DHRS7B: variants seen among roughly 807,000 people sequenced by gnomAD.
The protein encoded by DHRS7B is dehydrogenase/reductase 7B.
DHRS7B carries 24 observed loss-of-function variants against 26.4 expected under a neutral mutation model. The ratio of observed to expected loss-of-function variants is 0.91; its 90% CI spans 0.66 to 1.28. The LOEUF is 1.28. Among genes scored for constraint, DHRS7B ranks in the 50% most tolerant of loss-of-function variants. The pLI, the probability that DHRS7B is intolerant of heterozygous loss-of-function variation, is 0.00. For missense variants in DHRS7B, 368 were observed against 419.4 expected, an observed-to-expected ratio of 0.88 and a Z score of 1.07; for synonymous variants, 142 against 166.4, an observed-to-expected ratio of 0.85 and a Z score of 1.13.
intron 1 of DHRS7B, chr17:21,166,235 C>T (rs565194498): frequency 1.0e-6 from 1 of 985,482 alleles, no homozygotes; most frequent in East Asian, 1.1e-4. Context: ...GGAGCCTGGT[C>T]TGAAATCTCC....
At chr17:21,154,839 A>G (rs1746876050) in intron 1 of DHRS7B, among the ~76,000 whole-genome samples, 1 of 152,206 alleles carries the variant, frequency 6.6e-6, no homozygotes, top group African/African-American at 2.4e-5. Flanking sequence ...GGGAAGAATC[A>G]GGAGTATTTT....
chr17:21,129,725 GAAAAAGA>G (rs1973189377), intron 1 of DHRS7B, among the ~76,000 whole-genome samples: 2 of 109,000 alleles, frequency 1.8e-5, no homozygotes, highest in Non-Finnish European at 4.0e-5. Flanking sequence ...AAAAAAAAAA[GAAAAAGA>G]AAAAAATAAG....
intron 6 of DHRS7B, 133 bp downstream of exon 6, chr17:21,188,996 G>T: frequency 8.1e-7 from 1 of 1,229,914 alleles, no homozygotes; most frequent in South Asian, 1.4e-5. Flanking sequence ...AAACTTGACA[G>T]AGGTGTTGGT....
chr17:21,156,651 G>A (rs1597741431), intron 1 of DHRS7B, among the ~76,000 whole-genome samples: 1 of 151,990 alleles, frequency 6.6e-6, no homozygotes, highest in South Asian at 2.1e-4. Context: ...GGTGGCTCAT[G>A]CCTGTAATCC....
intron 1 of DHRS7B, 116 bp downstream of exon 1, chr17:21,127,107 G>A: frequency 8.7e-7 from 1 of 1,154,242 alleles, no homozygotes; most frequent in Non-Finnish European, 1.2e-6. Flanking sequence ...CTAAGGCCGC[G>A]GGCCCTGGGC....
chr17:21,167,077 G>T (rs1411184713), intron 1 of DHRS7B, among the ~76,000 whole-genome samples: 1 of 152,108 alleles, frequency 6.6e-6, no homozygotes, highest in African/African-American at 2.4e-5. Context: ...ATGCAAGGGA[G>T]AATTTTGGCC....
chr17:21,187,540 G>A (rs1420910353), intron 5 of DHRS7B, among the ~76,000 whole-genome samples: 2 of 150,922 alleles, frequency 1.3e-5, no homozygotes, highest in Admixed American at 6.6e-5. Flanking sequence ...GGAGAAGAAC[G>A]GTGTGAACCC....
intron 1 of DHRS7B, among the ~76,000 whole-genome samples, chr17:21,152,963 A>C (rs1157103966): frequency 6.6e-6 from 1 of 152,164 alleles, no homozygotes; most frequent in Admixed American, 6.6e-5. Flanking sequence ...TGTTTGCCAC[A>C]GTTCTTTTTA....
chr17:21,136,767 A>G (rs1490200353), intron 1 of DHRS7B, among the ~76,000 whole-genome samples: 1 of 151,406 alleles, frequency 6.6e-6, no homozygotes, highest in African/African-American at 2.4e-5. Context: ...TGTTAGCCAG[A>G]CTGGTCTTGA....
intron 3 of DHRS7B, among the ~76,000 whole-genome samples, chr17:21,178,601 C>G (rs963172000): frequency 1.3e-5 from 2 of 151,976 alleles, no homozygotes; most frequent in African/African-American, 4.8e-5. Flanking sequence ...TTCCTTTTAC[C>G]TGGCTAAGCT....
At chr17:21,135,347 A>G (rs1973318653) in intron 1 of DHRS7B, among the ~76,000 whole-genome samples, 1 of 152,158 alleles carries the variant, frequency 6.6e-6, no homozygotes, top group South Asian at 2.1e-4. Context: ...TATTTTTTGG[A>G]CTTTAGGGAA....
At chr17:21,129,468 G>A (rs529800716) in intron 1 of DHRS7B, among the ~76,000 whole-genome samples, 1 of 152,154 alleles carries the variant, frequency 6.6e-6, no homozygotes, top group East Asian at 1.9e-4. Context: ...CGCTTTGGGA[G>A]GCTGAGGTGG....
At chr17:21,152,940 G>A (rs545454408) in intron 1 of DHRS7B, among the ~76,000 whole-genome samples, 263 of 152,132 alleles carry the variant, frequency 1.7e-3, no homozygotes, top group African/African-American at 5.8e-3. Flanking sequence ...TTACCACTAC[G>A]TTACTAAAGG....
intron 1 of DHRS7B, among the ~76,000 whole-genome samples, chr17:21,143,638 T>C (rs1204812729): frequency 1.3e-5 from 2 of 151,738 alleles, no homozygotes; most frequent in African/African-American, 4.9e-5. Flanking sequence ...TTACAGAGGG[T>C]CAGTTTTTTT....
At chr17:21,182,556 T>C (rs1281893089) in intron 3 of DHRS7B, among the ~76,000 whole-genome samples, 1 of 151,946 alleles carries the variant, frequency 6.6e-6, no homozygotes, top group African/African-American at 2.4e-5. Flanking sequence ...GCCAATTTTC[T>C]TTTTTTTAAT....
intron 1 of DHRS7B, among the ~76,000 whole-genome samples, chr17:21,131,406 C>T (rs946152316): frequency 4.6e-5 from 7 of 152,228 alleles, no homozygotes; most frequent in African/African-American, 1.7e-4. Context: ...CATTTGTAAA[C>T]TGTTATGGTG....
At chr17:21,150,995 T>C (rs2143994588) in intron 1 of DHRS7B, among the ~76,000 whole-genome samples, 1 of 152,334 alleles carries the variant, frequency 6.6e-6, no homozygotes, top group East Asian at 1.9e-4. Context: ...AGAAACTTTG[T>C]GAGCTCCAAG....
intron 1 of DHRS7B, among the ~76,000 whole-genome samples, chr17:21,169,747 A>G (rs1439024466): frequency 1.3e-5 from 2 of 152,166 alleles, no homozygotes; most frequent in Non-Finnish European, 2.9e-5. Flanking sequence ...CTTCACAGGC[A>G]CTGGCCTCCA....
intron 1 of DHRS7B, chr17:21,168,611 C>T: frequency 1.8e-6 from 1 of 541,232 alleles, no homozygotes; most frequent in African/African-American, 2.1e-5. Context: ...TGAAGCGATC[C>T]CCCTACCTCA....
Sources: gnomAD v4.1 joint callset for allele counts (sites outside exome capture counted in the v4.1 genomes callset) on GRCh38, gnomAD v4.1.1 for gene constraint, MANE v1.5 for transcripts, NCBI Gene and HGNC (gene_info 2026-07-23, HGNC 2026-07-21) for gene names.